Variants in FAM171A1 observed in about 807,000 individuals in gnomAD.
FAM171A1 encodes the protein protein FAM171A1.
FAM171A1 carries 23 observed loss-of-function variants against 74.9 expected under a neutral mutation model. The ratio of observed to expected loss-of-function variants is 0.31; its 90% CI spans 0.22 to 0.44. The LOEUF (loss-of-function observed/expected upper bound fraction) is 0.44. Among genes scored for constraint, FAM171A1 ranks in the 20% least tolerant of loss-of-function variants. The pLI is 1.00. For synonymous variants in FAM171A1, 527 were observed against 505.7 expected, an observed-to-expected ratio of 1.04 and a Z score of -0.57; for missense variants, 1,162 against 1,159.2, an observed-to-expected ratio of 1.00 and a Z score of -0.03.
At chr10:15,231,766 A>G (rs1834209540) in intron 5 of FAM171A1, among the ~76,000 whole-genome samples, 1 of 152,138 alleles carries the variant, frequency 6.6e-6, no homozygotes, top group East Asian at 1.9e-4. Context: ...TTGTCAGACT[A>G]TAGGCCAGGA....
intron 5 of FAM171A1, among the ~76,000 whole-genome samples, chr10:15,234,357 T>C (rs1564618234): frequency 6.6e-6 from 1 of 152,124 alleles, no homozygotes. Context: ...TTGTTACCCG[T>C]TGAGGGTAGC....
chr10:15,372,881 T>C (rs1836166928), upstream of FAM171A1, among the ~76,000 whole-genome samples: 1 of 151,924 alleles, frequency 6.6e-6, no homozygotes, highest in Admixed American at 6.6e-5. Context: ...CACTTGTCCC[T>C]CTCCACCTTC....
chr10:15,254,557 CG>C (rs1284587059), intron 4 of FAM171A1, among the ~76,000 whole-genome samples, 163 bp downstream of exon 4: 2 of 152,182 alleles, frequency 1.3e-5, no homozygotes, highest in East Asian at 3.9e-4. Context: ...CTCGTACCGA[CG>C]TAACACAGTT....
At chr10:15,333,858 T>TAAA (rs71390032) in intron 1 of FAM171A1, among the ~76,000 whole-genome samples, 12 of 148,896 alleles carry the variant, frequency 8.1e-5, no homozygotes, top group Non-Finnish European at 5.9e-5. Context: ...AAAAGAATAC[T>TAAA]AAAAAAAAAA....
chr10:15,216,220 G>A (rs1414506021), intron 6 of FAM171A1, 110 bp from the exon 7 acceptor site: 1 of 659,822 alleles, frequency 1.5e-6, no homozygotes, highest in South Asian at 2.3e-5. Flanking sequence ...CTGGGGCATA[G>A]AGCAGTGGCC....
chr10:15,357,221 T>C (rs1835944187), intron 1 of FAM171A1, among the ~76,000 whole-genome samples: 1 of 151,998 alleles, frequency 6.6e-6, no homozygotes, highest in Non-Finnish European at 1.5e-5. Context: ...AGGTGGAGCT[T>C]GCAGTGGGCC....
At chr10:15,327,184 C>G (rs552702351) in intron 1 of FAM171A1, among the ~76,000 whole-genome samples, 1 of 152,244 alleles carries the variant, frequency 6.6e-6, no homozygotes, top group Non-Finnish European at 1.5e-5. Flanking sequence ...AAATCCAATC[C>G]CAGCTCTACC....
upstream of FAM171A1, among the ~76,000 whole-genome samples, chr10:15,371,887 G>A (rs139204541): frequency 1.3e-5 from 2 of 152,346 alleles, no homozygotes; most frequent in African/African-American, 4.8e-5. Context: ...CCTACCATGG[G>A]ATTCTGCAGT....
At chr10:15,370,159 G>A (rs1245110721) in intron 1 of FAM171A1, among the ~76,000 whole-genome samples, 2 of 151,796 alleles carry the variant, frequency 1.3e-5, no homozygotes, top group Admixed American at 1.3e-4. Flanking sequence ...GTTACTCCCA[G>A]GGCTGGAAAG....
intron 1 of FAM171A1, among the ~76,000 whole-genome samples, chr10:15,318,923 G>A (rs1215047568): frequency 6.6e-6 from 1 of 152,208 alleles, no homozygotes; most frequent in African/African-American, 2.4e-5. Flanking sequence ...ACTCAGGCCT[G>A]CTCATAGTTC....
chr10:15,227,020 G>C (rs1324867128), intron 5 of FAM171A1, among the ~76,000 whole-genome samples: 1 of 152,150 alleles, frequency 6.6e-6, no homozygotes, highest in Non-Finnish European at 1.5e-5. Flanking sequence ...TTTCTTTTTA[G>C]ACAGAGTCTC....
chr10:15,231,782 C>T lies in FAM171A1; in HGVS notation c.755-10722G>A, dbSNP rs986325762. ...TGTCAGACTATAGGCCAGGAGTCAG[C>T]GCACTCAAATGCCTACAGATGGCTG... On this transcript the variant is annotated intron_variant, in intron 5 of 7. Coordinates refer to ENST00000378116, the MANE Select transcript of FAM171A1 (RefSeq NM_001010924.2). 2.0e-5 allele frequency among the ~76,000 whole-genome samples: 3 copies of T among 152,112 alleles called. No individual in the cohort carries two copies. The South Asian group carries it at 6.2e-4, about 32-fold the overall frequency.
At chr10:15,299,045 T>G (rs962537256) in intron 1 of FAM171A1, among the ~76,000 whole-genome samples, 1 of 152,082 alleles carries the variant, frequency 6.6e-6, no homozygotes, top group Non-Finnish European at 1.5e-5. Context: ...CTCAGACTCC[T>G]GGGTAGCTGG....
At chr10:15,263,803 C>A (rs1834697671) in intron 3 of FAM171A1, among the ~76,000 whole-genome samples, 1 of 150,602 alleles carries the variant, frequency 6.6e-6, no homozygotes. Flanking sequence ...TCCATCTAAT[C>A]TATTAATCAT....
At chr10:15,275,293 T>G (rs1007475340) in intron 3 of FAM171A1, among the ~76,000 whole-genome samples, 14 of 151,658 alleles carry the variant, frequency 9.2e-5, no homozygotes, top group Non-Finnish European at 1.2e-4. Context: ...TTTAAGTTTT[T>G]TTTTTTTTTT....
At chr10:15,329,927 A>G (rs983325987) in intron 1 of FAM171A1, among the ~76,000 whole-genome samples, 2 of 152,202 alleles carry the variant, frequency 1.3e-5, no homozygotes, top group Non-Finnish European at 1.5e-5. Context: ...AGCCACTTTT[A>G]AGTTGTTTCT....
At chr10:15,306,693 C>T (rs911491495) in intron 1 of FAM171A1, among the ~76,000 whole-genome samples, 61 of 152,252 alleles carry the variant, frequency 4.0e-4, no homozygotes, top group African/African-American at 1.4e-3. Context: ...TGGACTGTCA[C>T]GACCATCAGA....
intron 7 of FAM171A1, 41 bp downstream of exon 7, chr10:15,215,955 T>G: frequency 7.4e-7 from 1 of 1,349,086 alleles, no homozygotes; most frequent in Non-Finnish European, 1.0e-6. Flanking sequence ...CCCAAGAAAC[T>G]GTGAATTAAA....
rs575447363 is a variant in FAM171A1, at chr10:15,302,963, C to T, written c.98-18858G>A. ...CAGCACTTTGGGAGGCCGAGGTAGG[C>T]GGATTACCTGAGGTCAGGAGTTTGA... On this transcript the variant is annotated intron_variant, in intron 1 of 7. Transcript: ENST00000378116. Among the ~76,000 whole-genome samples, 8 of 152,224 alleles carry T rather than the reference C, an allele frequency of 5.3e-5. No individual in the cohort carries two copies. The East Asian group carries it at 5.8e-4, about 11-fold the overall frequency.
Sources: allele counts gnomAD v4.1 joint callset (sites outside exome capture counted in the v4.1 genomes callset), GRCh38; gene constraint gnomAD v4.1.1; transcripts MANE v1.5; gene names NCBI Gene and HGNC (gene_info 2026-07-23, HGNC 2026-07-21).